The following HIVEP1 variants were observed in gnomAD, a reference collection of about 807,000 sequenced individuals.
HIVEP1 encodes the protein HIVEP zinc finger 1.
HIVEP1 carries 36 observed loss-of-function variants against 180.0 expected under a neutral mutation model. That is an observed-to-expected ratio of 0.20 (90% confidence interval 0.15 to 0.26). The LOEUF (loss-of-function observed/expected upper bound fraction) is 0.26. Among genes scored for constraint, HIVEP1 ranks in the 10% least tolerant of loss-of-function variants. The pLI, the probability that HIVEP1 is intolerant of heterozygous loss-of-function variation, is 1.00. For missense variants in HIVEP1, 3,143 were observed against 3,268.7 expected (o/e 0.96, Z 0.94); for synonymous variants, 1,239 against 1,239.0 (o/e 1.00, Z 0.00).
chr6:12,159,575 C>T (rs2113680499), intron 7 of HIVEP1, among the ~76,000 whole-genome samples: 1 of 152,234 alleles, frequency 6.6e-6, no homozygotes, highest in East Asian at 1.9e-4. Flanking sequence ...ATAATCCTCG[C>T]AGAGTTGCCA....
intron 1 of HIVEP1, among the ~76,000 whole-genome samples, chr6:12,013,532 T>G (rs1561851502): frequency 6.6e-6 from 1 of 152,206 alleles, no homozygotes; most frequent in Non-Finnish European, 1.5e-5. Context: ...ACAGGGAATG[T>G]GCATATTTTA....
chr6:12,124,449 A>T lies in HIVEP1; in HGVS notation c.4654A>T (p.Ser1552Cys), dbSNP rs527493205. 5.0e-5 allele frequency: 80 copies of T among 1,614,068 alleles called. No individual in the cohort carries two copies. Among genetic ancestry groups the T allele is most frequent in the Non-Finnish European group, 6.6e-5 (78 of 1,180,034 alleles). The change falls in exon 4 of 9, where the codon AGT (serine) becomes TGT (cysteine). Residue 1552 changes from serine (S) to cysteine (C), a missense_variant. This residue lies in a region of HIVEP1 where 1,357 missense variants were observed against 1,260.5 expected (regional missense o/e 1.08). Coordinates refer to ENST00000379388, the MANE Select transcript of HIVEP1 (RefSeq NM_002114.4). ...TTCTGTTTTATCTGGGTCTTCTAAAAGTGAGGATTGCTTTGCTCCCAAATA... is the reference window on the plus strand; with the variant it reads ...TTCTGTTTTATCTGGGTCTTCTAAATGTGAGGATTGCTTTGCTCCCAAATA... Reference protein sequence around the residue: ...KNSVLSGSSKSEDCFAPKYQL... With the variant: ...KNSVLSGSSKCEDCFAPKYQL...
the HIVEP1 span, among the ~76,000 whole-genome samples, chr6:12,188,439 A>G: frequency 6.6e-6 from 1 of 152,146 alleles, no homozygotes; most frequent in Admixed American, 6.5e-5. Flanking sequence ...CAGCCAGGGG[A>G]AAAAAAGAGA....
At chr6:12,037,884 T>G (rs1354469954) in intron 2 of HIVEP1, 1 of 399,180 alleles carries the variant, frequency 2.5e-6, no homozygotes, top group African/African-American at 2.1e-5. Context: ...CTACTTTTTT[T>G]TTTTGGCGGA....
intron 3 of HIVEP1, among the ~76,000 whole-genome samples, chr6:12,101,310 TC>T (rs1202042405): frequency 6.6e-6 from 1 of 152,202 alleles, no homozygotes; most frequent in African/African-American, 2.4e-5. Context: ...TACTTGGTTT[TC>T]TTCTCTTAGT....
At chr6:12,171,747 C>A in the HIVEP1 span, among the ~76,000 whole-genome samples, 2 of 152,154 alleles carry the variant, frequency 1.3e-5, no homozygotes, top group African/African-American at 4.8e-5. Flanking sequence ...CAGCAAGAAG[C>A]TAGTGGGAAT....
chr6:12,022,054 G>C (rs1052164353), intron 2 of HIVEP1, among the ~76,000 whole-genome samples: 2 of 152,190 alleles, frequency 1.3e-5, no homozygotes, highest in African/African-American at 4.8e-5. Context: ...AGTAGGAAAT[G>C]CTTCTTCCAA....
chr6:12,184,038 C>T, the HIVEP1 span, among the ~76,000 whole-genome samples: 5,994 of 142,052 alleles, frequency 0.042, 429 homozygotes, highest in African/African-American at 0.17. Context: ...GACAGACAGA[C>T]AGACAGACAG....
At chr6:12,210,358 G>A in the HIVEP1 span, among the ~76,000 whole-genome samples, 3 of 152,250 alleles carry the variant, frequency 2.0e-5, no homozygotes, top group Non-Finnish European at 4.4e-5. Context: ...CTTTTGATTC[G>A]CTGGTATAAT....
chr6:12,141,054 A>G (rs1414438885), intron 7 of HIVEP1, among the ~76,000 whole-genome samples: 2 of 152,326 alleles, frequency 1.3e-5, no homozygotes, highest in African/African-American at 4.8e-5. Flanking sequence ...AGCAACCGCA[A>G]GACACATAAT....
chr6:12,026,726 T>A (rs1487350136), intron 2 of HIVEP1, among the ~76,000 whole-genome samples: 1 of 152,234 alleles, frequency 6.6e-6, no homozygotes. Context: ...CCAAGGTCAG[T>A]ATGATTTGTT....
At chr6:12,042,534 A>T (rs1335160638) in intron 2 of HIVEP1, among the ~76,000 whole-genome samples, 1 of 151,310 alleles carries the variant, frequency 6.6e-6, no homozygotes, top group Non-Finnish European at 1.5e-5. Flanking sequence ...TATTTTTATA[A>T]TATATATTAT....
At chr6:12,022,855 G>A (rs1768332966) in intron 2 of HIVEP1, among the ~76,000 whole-genome samples, 2 of 152,184 alleles carry the variant, frequency 1.3e-5, no homozygotes, top group Non-Finnish European at 2.9e-5. Context: ...GGGATCTGGG[G>A]GAGAGAGGTC....
intron 2 of HIVEP1, among the ~76,000 whole-genome samples, chr6:12,023,734 CAAATGCTTCTTTTTAAAAGCAAATACA>C (rs1768402205): frequency 6.6e-6 from 1 of 151,946 alleles, no homozygotes; most frequent in Non-Finnish European, 1.5e-5. Context: ...TAACGTTAGC[CAAATGCTTCTTTTTAAAAGCAAATACA>C]AAATGTAGTA....
In HIVEP1 at chr6:12,124,224, T is replaced by A; in HGVS notation, c.4429T>A (p.Phe1477Ile). Reference protein sequence around the residue: ...PQLTSTSLAEFSANTLHSQTQ... With the variant: ...PQLTSTSLAEISANTLHSQTQ... Reference sequence around the variant, plus strand: ...GCTCACTAGTACATCTTTAGCTGAGTTTTCTGCAAATACTTTGCACTCTCA... The same window carrying A: ...GCTCACTAGTACATCTTTAGCTGAGATTTCTGCAAATACTTTGCACTCTCA... Residue 1477 changes from phenylalanine (F) to isoleucine (I), a missense_variant, in exon 4 of 9, where the codon TTT (phenylalanine) becomes ATT (isoleucine). Transcript: ENST00000379388. 1.2e-6 allele frequency: 2 copies of A among 1,614,044 alleles called. No homozygotes were observed. Among genetic ancestry groups the A allele is most frequent in the Non-Finnish European group, 1.7e-6 (2 of 1,180,004 alleles).
At position 12,138,488 on chromosome 6, in the gene HIVEP1, G is replaced by C. The variant is rs115869493; in HGVS notation, c.6487+2596G>C. Among the ~76,000 whole-genome samples, 339 of 152,280 alleles carry C rather than the reference G, an allele frequency of 2.2e-3. 2 individuals carry two copies. Among genetic ancestry groups the C allele is most frequent in the African/African-American group, 7.5e-3 (312 of 41,540 alleles). On this transcript the variant is annotated intron_variant, in intron 7 of 8. Transcript: ENST00000379388. Reference sequence around the variant, plus strand: ...AGCCTGCAGCATGATGCTGTGTCTGGAGGGTGCACTGTTTCTAGCCTTCCA... The same window carrying C: ...AGCCTGCAGCATGATGCTGTGTCTGCAGGGTGCACTGTTTCTAGCCTTCCA...
At chr6:12,011,857 C>T (rs1447777024), upstream of HIVEP1, 4 of 146,396 alleles carry the variant, frequency 2.7e-5, no homozygotes, top group African/African-American at 9.9e-5. Flanking sequence ...CCCCAGCCCC[C>T]GCGGGGACGC....
intron 2 of HIVEP1, among the ~76,000 whole-genome samples, chr6:12,036,781 G>C (rs942697321): frequency 6.6e-6 from 1 of 152,232 alleles, no homozygotes; most frequent in Non-Finnish European, 1.5e-5. Context: ...GGTGGCGCAC[G>C]CCTGTAATCC....
chr6:12,041,886 C>T, intron 2 of HIVEP1, among the ~76,000 whole-genome samples: 1 of 151,858 alleles, frequency 6.6e-6, no homozygotes. Context: ...GTCTTGATCT[C>T]CTGACCTTGT....
Sources: allele counts gnomAD v4.1 joint callset (sites outside exome capture counted in the v4.1 genomes callset), GRCh38; gene constraint gnomAD v4.1.1; regional missense constraint gnomAD v4.1.1; transcripts MANE v1.5; gene names NCBI Gene and HGNC (gene_info 2026-07-23, HGNC 2026-07-21).